PRKCB: variants seen among roughly 807,000 people sequenced by gnomAD.
PRKCB encodes the protein protein kinase C beta type.
Under a neutral mutation model 81.5 loss-of-function variants are expected in PRKCB, and 13 were observed. That is an observed-to-expected ratio of 0.16 (90% CI 0.10 to 0.25). PRKCB has a LOEUF of 0.25. PRKCB is among the 10% of genes least tolerant of loss of function. The pLI is 1.00. For missense variants in PRKCB, 509 were observed against 875.7 expected, an observed-to-expected ratio of 0.58 and a Z score of 5.29; for synonymous variants, 335 against 321.4, an observed-to-expected ratio of 1.04 and a Z score of -0.45.
intron 7 of PRKCB, among the ~76,000 whole-genome samples, chr16:24,109,594 C>T (rs1261229996): frequency 7.7e-6 from 1 of 129,982 alleles, no homozygotes; most frequent in Non-Finnish European, 1.5e-5. Context: ...GGGATGGCGG[C>T]CGGGCGGAGA....
intron 8 of PRKCB, among the ~76,000 whole-genome samples, chr16:24,114,568 C>T (rs888027062): frequency 1.3e-5 from 2 of 152,076 alleles, no homozygotes; most frequent in African/African-American, 4.8e-5. Flanking sequence ...TTTCAGCTAC[C>T]TAAGAGCAGC....
At chr16:24,166,740 G>A (rs1967353278) in intron 10 of PRKCB, among the ~76,000 whole-genome samples, 1 of 152,156 alleles carries the variant, frequency 6.6e-6, no homozygotes, top group African/African-American at 2.4e-5. Context: ...GGCATAGAGT[G>A]GGCATCATTA....
At chr16:24,066,157 T>TCAAG (rs1966032274) in intron 5 of PRKCB, among the ~76,000 whole-genome samples, 1 of 151,844 alleles carries the variant, frequency 6.6e-6, no homozygotes, top group African/African-American at 2.4e-5. Context: ...TTCTTGCCTC[T>TCAAG]TTAACTTGAT....
intron 2 of PRKCB, among the ~76,000 whole-genome samples, chr16:23,910,476 C>T (rs1483923052): frequency 6.6e-6 from 1 of 152,080 alleles, no homozygotes; most frequent in East Asian, 1.9e-4. Flanking sequence ...GCTTTTTTCT[C>T]CCAGACCCCC....
At chr16:24,211,718 C>T (rs554641378) in intron 16 of PRKCB, among the ~76,000 whole-genome samples, 1 of 152,204 alleles carries the variant, frequency 6.6e-6, no homozygotes, top group Non-Finnish European at 1.5e-5. Context: ...GACACCACGC[C>T]TGGCTAATTT....
intron 3 of PRKCB, among the ~76,000 whole-genome samples, chr16:24,001,253 T>G (rs1965030863): frequency 6.6e-6 from 1 of 152,228 alleles, no homozygotes; most frequent in Non-Finnish European, 1.5e-5. Flanking sequence ...AGATACCTTT[T>G]TCAACACTTT....
At chr16:23,988,191 C>T (rs963437340) in intron 2 of PRKCB, among the ~76,000 whole-genome samples, 6 of 152,182 alleles carry the variant, frequency 3.9e-5, no homozygotes, top group African/African-American at 1.4e-4. Flanking sequence ...CAAGAAACAA[C>T]ATTCTGTTCC....
At chr16:24,134,863 A>T (rs960666152) in intron 9 of PRKCB, among the ~76,000 whole-genome samples, 4 of 152,072 alleles carry the variant, frequency 2.6e-5, no homozygotes, top group African/African-American at 9.7e-5. Context: ...AGTGGCTATG[A>T]TTACACCATT....
chr16:24,043,869 A>G (rs1377104370), intron 5 of PRKCB, among the ~76,000 whole-genome samples: 1 of 152,230 alleles, frequency 6.6e-6, no homozygotes, highest in African/African-American at 2.4e-5. Flanking sequence ...GTCTATTAAA[A>G]TATGTATACA....
In PRKCB at chr16:24,219,690, ACACACACACAC is replaced by A; in HGVS notation, c.*4875_*4885del. 1 of 1,282,832 alleles carries A rather than the reference ACACACACACAC, an allele frequency of 7.8e-7. No individual in the cohort carries two copies. The highest frequency in any genetic ancestry group is 1.9e-5 in the South Asian group (1 of 53,100). 79.5% of individuals were successfully genotyped at this position (1,282,832 alleles called of 1,614,324 possible). A position where few individuals can be genotyped will look rare whatever the true frequency, so the allele number is the denominator to read the frequency against. ...CACACACACACACACACACACACAC[ACACACACACAC>A]ACCACTTTATGGCAATTCTTAACTG... On this transcript the variant is annotated 3_prime_UTR_variant, in exon 17 of 17. Transcript: ENST00000643927.
At chr16:24,057,520 A>G (rs1049731976) in intron 5 of PRKCB, among the ~76,000 whole-genome samples, 4 of 152,210 alleles carry the variant, frequency 2.6e-5, no homozygotes, top group African/African-American at 9.6e-5. Context: ...TTTGCTAGAT[A>G]CTGGATGGCT....
At chr16:23,978,097 AT>A (rs1488754779) in intron 2 of PRKCB, among the ~76,000 whole-genome samples, 5 of 152,142 alleles carry the variant, frequency 3.3e-5, no homozygotes, top group African/African-American at 1.2e-4. Flanking sequence ...CAAGCTGTAA[AT>A]ATTTGAGGCC....
chr16:24,147,195 C>G (rs1449404008), intron 9 of PRKCB, among the ~76,000 whole-genome samples: 1 of 151,362 alleles, frequency 6.6e-6, no homozygotes, highest in African/African-American at 2.4e-5. Flanking sequence ...GTAGTCCCAG[C>G]TACTCGGGAG....
intron 5 of PRKCB, among the ~76,000 whole-genome samples, chr16:24,056,964 C>T (rs914044167): frequency 1.3e-5 from 2 of 152,212 alleles, no homozygotes; most frequent in African/African-American, 4.8e-5. Context: ...GGGCCAGATC[C>T]AGCCCTTACC....
chr16:24,017,433 A>G (rs1359875506), intron 3 of PRKCB, among the ~76,000 whole-genome samples: 1 of 152,332 alleles, frequency 6.6e-6, no homozygotes, highest in South Asian at 2.1e-4. Context: ...GACTTTCTAA[A>G]TACGACAGCA....
chr16:23,849,823 T>G (rs1047196945), intron 2 of PRKCB, among the ~76,000 whole-genome samples: 2 of 152,248 alleles, frequency 1.3e-5, no homozygotes, highest in African/African-American at 4.8e-5. Context: ...GCTTGTTTAC[T>G]TATTTTTTAT....
intron 2 of PRKCB, among the ~76,000 whole-genome samples, chr16:23,971,391 G>A (rs1195398736): frequency 6.6e-6 from 1 of 152,214 alleles, no homozygotes; most frequent in Admixed American, 6.5e-5. Context: ...GACGGATGGT[G>A]TGATGGTTCC....
intron 2 of PRKCB, among the ~76,000 whole-genome samples, chr16:23,855,876 G>A (rs187861979): frequency 2.2e-4 from 33 of 152,298 alleles, no homozygotes; most frequent in Non-Finnish European, 4.3e-4. Context: ...TTCAGGGGAG[G>A]AGTCCCAGGG....
chr16:24,184,229 C>T (rs1967668853), intron 13 of PRKCB, among the ~76,000 whole-genome samples: 1 of 152,082 alleles, frequency 6.6e-6, no homozygotes, highest in East Asian at 1.9e-4. Flanking sequence ...TTTGGGAGGC[C>T]AAGATGGGAG....
Sources: gnomAD v4.1 joint callset for allele counts (sites outside exome capture counted in the v4.1 genomes callset) on GRCh38, gnomAD v4.1.1 for gene constraint, MANE v1.5 for transcripts, NCBI Gene and HGNC (gene_info 2026-07-23, HGNC 2026-07-21) for gene names.